SELENOT: variants seen among roughly 807,000 people sequenced by gnomAD.
The protein encoded by SELENOT is thioredoxin reductase-like selenoprotein T.
In SELENOT, 9 loss-of-function variants were observed where a neutral mutation model predicts 24.3. The ratio of observed to expected loss-of-function variants is 0.37; its 90% CI spans 0.22 to 0.65. The LOEUF (loss-of-function observed/expected upper bound fraction) is 0.65. SELENOT is among the 30% of genes least tolerant of loss of function. SELENOT has a pLI of 0.60. For missense variants in SELENOT, 166 were observed against 247.6 expected (o/e 0.67, Z 2.21); for synonymous variants, 81 against 86.0 (o/e 0.94, Z 0.32).
intron 1 of SELENOT, among the ~76,000 whole-genome samples, chr3:150,611,004 CGTGTGTGTGTGT>C (rs113532087): frequency 9.6e-5 from 14 of 145,508 alleles, no homozygotes; most frequent in Middle Eastern, 3.5e-3. Flanking sequence ...CATCATGAGT[CGTGTGTGTGTGT>C]GTGTGTGTGT....
At chr3:150,611,540 T>C in intron 1 of SELENOT, 1 of 1,159,710 alleles carries the variant, frequency 8.6e-7, no homozygotes, top group Non-Finnish European at 1.3e-6. Context: ...CTCCCTTTTC[T>C]CTTTCTTCTG....
At chr3:150,618,698 T>C (rs751265384) in intron 1 of SELENOT, 1 of 154,112 alleles carries the variant, frequency 6.5e-6, no homozygotes, top group Non-Finnish European at 1.5e-5. Flanking sequence ...ATTTTTTCTT[T>C]TTTTTTGTAG....
In SELENOT at chr3:150,629,585, T is replaced by C. The variant is rs920770684; in HGVS notation, c.*1956T>C. On this transcript the variant is annotated 3_prime_UTR_variant, in exon 6 of 6. Coordinates refer to ENST00000471696, the MANE Select transcript of SELENOT (RefSeq NM_016275.5). ...TTCCTGTGGACCTGACAGTTAAAAA[T>C]ATAAAGAACCTAGGATTCAATTCCA... 6.5e-6 allele frequency: 1 copy of C among 152,720 alleles called. No homozygotes were observed. Among genetic ancestry groups the C allele is most frequent in the Non-Finnish European group, 1.5e-5 (1 of 68,016 alleles). The allele number at this position is 152,720 out of a possible 1,614,324, so 9.5% of individuals were successfully genotyped here. A position where few individuals can be genotyped will look rare whatever the true frequency, so the allele number is the denominator to read the frequency against.
At position 150,628,979 on chromosome 3, in the gene SELENOT, G is replaced by C. The variant is rs573703469; in HGVS notation, c.*1350G>C. 4.6e-5 allele frequency: 7 copies of C among 152,228 alleles called. No homozygotes were observed. The highest frequency in any genetic ancestry group is 1.3e-4 in the Admixed American group (2 of 15,292). 9.4% of individuals were successfully genotyped at this position (152,228 alleles called of 1,614,324 possible). On this transcript the variant is annotated 3_prime_UTR_variant, in exon 6 of 6. Transcript: ENST00000471696. ...TGGAATATTTGCATTATACTTACCA[G>C]TTGGGCATCCCAAATCTGAAATCTG...
chr3:150,622,362 T>C (rs190501109), intron 1 of SELENOT, 23 bp from the exon 2 acceptor site: 181 of 1,204,720 alleles, frequency 1.5e-4, no homozygotes, highest in African/African-American at 1.5e-3. Flanking sequence ...AATGACTTAA[T>C]GGAAACACTT....
At chr3:150,621,889 G>T (rs1726353160) in intron 1 of SELENOT, among the ~76,000 whole-genome samples, 1 of 151,938 alleles carries the variant, frequency 6.6e-6, no homozygotes, top group South Asian at 2.1e-4. Flanking sequence ...ATTCTCTCAT[G>T]CCTTGATTTT....
intron 1 of SELENOT, among the ~76,000 whole-genome samples, chr3:150,618,208 T>C (rs1487102959): frequency 6.6e-6 from 1 of 152,214 alleles, no homozygotes; most frequent in African/African-American, 2.4e-5. Context: ...GTTTGGATCT[T>C]CTTGTTACAG....
At chr3:150,610,045 T>C (rs1188331788) in intron 1 of SELENOT, among the ~76,000 whole-genome samples, 1 of 152,132 alleles carries the variant, frequency 6.6e-6, no homozygotes, top group Non-Finnish European at 1.5e-5. Context: ...TAATTTTGGC[T>C]GGTAGAAAAA....
At chr3:150,605,068 T>C (rs1725932014) in intron 1 of SELENOT, among the ~76,000 whole-genome samples, 2 of 148,750 alleles carry the variant, frequency 1.3e-5, no homozygotes, top group African/African-American at 4.9e-5. Context: ...CCCTGTACAA[T>C]GTACTATGTT....
intron 3 of SELENOT, 78 bp downstream of exon 3, chr3:150,623,247 A>G: frequency 7.9e-7 from 1 of 1,260,868 alleles, no homozygotes; most frequent in Non-Finnish European, 1.0e-6. Context: ...TCTTATTTTG[A>G]ATACTTGTTA....
In SELENOT at chr3:150,617,837, T is replaced by TGG. The variant is rs1726252820; in HGVS notation, c.138-4548_138-4547insGG. On this transcript the variant is annotated intron_variant, in intron 1 of 5. Transcript: ENST00000471696. ...TCATTCAAAGTGTTTGCAACTGTTT[T>TGG]TGTTTGGTTTGGTTTGGTTTGGTTT... Among the ~76,000 whole-genome samples the TGG allele has an allele frequency of 1.7e-4, 22 of 126,220 alleles. No individual in the cohort carries two copies. The South Asian group carries it at 6.8e-3, about 39-fold the overall frequency. 82.8% of individuals were successfully genotyped at this position (126,220 alleles called of 152,430 possible).
At chr3:150,626,015 G>C (rs545803040) in intron 4 of SELENOT, among the ~76,000 whole-genome samples, 1 of 151,892 alleles carries the variant, frequency 6.6e-6, no homozygotes, top group Non-Finnish European at 1.5e-5. Context: ...GACTACAGGC[G>C]CCTGCCACCA....
intron 1 of SELENOT, among the ~76,000 whole-genome samples, chr3:150,615,822 C>T (rs1210121574): frequency 4.0e-5 from 6 of 150,692 alleles, no homozygotes; most frequent in South Asian, 2.1e-4. Context: ...CTACCAATGC[C>T]TTTCTTCACA....
At chr3:150,611,475 A>G in intron 1 of SELENOT, 1 of 1,189,390 alleles carries the variant, frequency 8.4e-7, no homozygotes, top group South Asian at 1.2e-5. Flanking sequence ...ATTGGTATAA[A>G]TCAACCTCTG....
chr3:150,620,473 C>T (rs1280725972), intron 1 of SELENOT, among the ~76,000 whole-genome samples: 1 of 152,210 alleles, frequency 6.6e-6, no homozygotes, highest in East Asian at 1.9e-4. Context: ...TCAGTGAGGA[C>T]AGGACCGTAT....
At chr3:150,605,914 C>T (rs60142519) in intron 1 of SELENOT, among the ~76,000 whole-genome samples, 21,082 of 152,072 alleles carry the variant, frequency 0.14, 1,559 homozygotes, top group Non-Finnish European at 0.17. Flanking sequence ...CATTAATTAC[C>T]ACTGCTAACA....
chr3:150,622,861 G>A (rs950243229), intron 2 of SELENOT, among the ~76,000 whole-genome samples, 182 bp from the exon 3 acceptor site: 2 of 152,106 alleles, frequency 1.3e-5, no homozygotes, highest in Non-Finnish European at 2.9e-5. Flanking sequence ...TAATTTTTCA[G>A]GTGATTTTAA....
intron 1 of SELENOT, among the ~76,000 whole-genome samples, chr3:150,616,333 A>T (rs865995482): frequency 2.1e-5 from 3 of 141,916 alleles, no homozygotes; most frequent in African/African-American, 5.3e-5. Flanking sequence ...TGGCAACAAA[A>T]GCCAAAATTG....
intron 1 of SELENOT, among the ~76,000 whole-genome samples, chr3:150,611,039 T>TGTG (rs1559895634): frequency 8.5e-4 from 95 of 111,792 alleles, no homozygotes; most frequent in Middle Eastern, 4.3e-3. Context: ...GTGTGTGTAT[T>TGTG]TGTTTTTGTT....
Sources: gnomAD v4.1 joint callset for allele counts (sites outside exome capture counted in the v4.1 genomes callset) on GRCh38, gnomAD v4.1.1 for gene constraint, MANE v1.5 for transcripts, NCBI Gene and HGNC (gene_info 2026-07-23, HGNC 2026-07-21) for gene names.